The following TTC1 variants were observed in gnomAD, a reference collection of about 807,000 sequenced individuals.
TTC1 encodes tetratricopeptide repeat protein 1.
Under a neutral mutation model 37.6 loss-of-function variants are expected in TTC1, and 31 were observed. That is an observed-to-expected ratio of 0.82 (90% CI 0.62 to 1.11). The LOEUF (loss-of-function observed/expected upper bound fraction) is 1.11, where lower values mean the gene tolerates loss of function less well. Among genes scored for constraint, TTC1 ranks in the 50% most tolerant of loss-of-function variants. The pLI, the probability that TTC1 is intolerant of heterozygous loss-of-function variation, is 0.00. For synonymous variants in TTC1, 127 were observed against 122.4 expected, an observed-to-expected ratio of 1.04 and a Z score of -0.25; for missense variants, 351 against 339.0, an observed-to-expected ratio of 1.04 and a Z score of -0.28.
Position 160,060,906 on chromosome 5 carries a change from A to G in TTC1, c.746-4026A>G, listed in dbSNP as rs186552283. ...CTACCCAAGCATTGTAGAAATTTTAATGTTTGTTCAGTGAATAAATGGGCT... is the reference window on the plus strand; with the variant it reads ...CTACCCAAGCATTGTAGAAATTTTAGTGTTTGTTCAGTGAATAAATGGGCT... On this transcript the variant is annotated intron_variant, in intron 7 of 7. Transcript: ENST00000231238. 2.0e-5 allele frequency among the ~76,000 whole-genome samples: 3 copies of G among 152,318 alleles called. No individual in the cohort carries two copies. In the East Asian group the frequency reaches 5.8e-4, roughly 29 times the overall value.
At chr5:160,017,074 A>C (rs1376083551) in intron 2 of TTC1, among the ~76,000 whole-genome samples, 1 of 152,206 alleles carries the variant, frequency 6.6e-6, no homozygotes, top group African/African-American at 2.4e-5. Context: ...ATAACTACCC[A>C]CAGGAATGGA....
chr5:160,021,050 G>A (rs886174850), intron 2 of TTC1, among the ~76,000 whole-genome samples: 11 of 152,148 alleles, frequency 7.2e-5, no homozygotes, highest in African/African-American at 2.4e-4. Context: ...AAGTTAAAAT[G>A]ACGTTCAGTA....
chr5:160,046,987 G>A (rs1757268182), intron 5 of TTC1, among the ~76,000 whole-genome samples: 1 of 152,124 alleles, frequency 6.6e-6, no homozygotes, highest in Non-Finnish European at 1.5e-5. Flanking sequence ...ACTCCAGCCT[G>A]GGTGACAGAG....
At chr5:160,041,196 A>C (rs906736014) in intron 4 of TTC1, among the ~76,000 whole-genome samples, 7 of 152,116 alleles carry the variant, frequency 4.6e-5, no homozygotes, top group African/African-American at 1.7e-4. Flanking sequence ...TTGACAGTAC[A>C]CTTTTTTTTA....
At position 160,048,676 on chromosome 5, in the gene TTC1, G is replaced by GA. The variant is rs560900925; in HGVS notation, c.542-832dup. 1.6e-3 allele frequency among the ~76,000 whole-genome samples: 238 copies of GA among 152,240 alleles called. 3 individuals are homozygous for GA. The highest frequency in any genetic ancestry group is 5.5e-3 in the African/African-American group (230 of 41,558). ...ATATAATCTTAGTACTCAAGACCTA[G>GA]AAAAAAGAGAATGATAGTCTGCCAC... On this transcript the variant is annotated intron_variant, in intron 5 of 7. Coordinates refer to ENST00000231238, the MANE Select transcript of TTC1 (RefSeq NM_003314.3).
At position 160,043,173 on chromosome 5, in the gene TTC1, C is replaced by T. The variant is rs766066281; in HGVS notation, c.541+4C>T. ...GCCATCAATGACTGCAGCAAAGGTACAGCTTTATTATCTTATTACATGTTA... is the reference window on the plus strand; with the variant it reads ...GCCATCAATGACTGCAGCAAAGGTATAGCTTTATTATCTTATTACATGTTA... On this transcript the variant is annotated splice_donor_region_variant and intron_variant, in intron 5 of 7. Transcript: ENST00000231238. 64 of 1,613,262 alleles carry T rather than the reference C, an allele frequency of 4.0e-5. No homozygotes were observed. The highest frequency in any genetic ancestry group is 4.9e-5 in the Non-Finnish European group (58 of 1,179,682).
chr5:160,014,910 A>G (rs1756574910), intron 2 of TTC1, among the ~76,000 whole-genome samples: 1 of 152,230 alleles, frequency 6.6e-6, no homozygotes, highest in African/African-American at 2.4e-5. Flanking sequence ...TTTGTAGTAT[A>G]GTAAATTTAT....
intron 4 of TTC1, among the ~76,000 whole-genome samples, chr5:160,041,367 A>G (rs920355625): frequency 7.3e-5 from 11 of 150,700 alleles, no homozygotes; most frequent in Non-Finnish European, 1.0e-4. Context: ...CTGTAGTACA[A>G]TGGCGCTGTC....
rs374584071 is a variant in TTC1, at chr5:160,055,874, A to G, written c.745+4691A>G. 5.9e-5 allele frequency among the ~76,000 whole-genome samples: 9 copies of G among 152,362 alleles called. No individual in the cohort carries two copies. In the South Asian group the frequency reaches 1.9e-3, roughly 32 times the overall value. On this transcript the variant is annotated intron_variant, in intron 7 of 7. Transcript: ENST00000231238. ...GCAGCAGAGAAAAACTAGAAAGCAA[A>G]TATTTCAGAATGTGTGGTCTTCCAA...
chr5:160,036,701 A>C lies in TTC1; in HGVS notation c.402A>C (p.Glu134Asp), dbSNP rs1159184298. ...NEQFKKGDYI[E>D]AESSYSRALE... ...TTCTCTTATCCTCAGATTATATAGAAGCTGAAAGTTCTTATAGTCGAGCCC... is the reference window on the plus strand; with the variant it reads ...TTCTCTTATCCTCAGATTATATAGACGCTGAAAGTTCTTATAGTCGAGCCC... The change falls in exon 4 of 8, where the codon GAA becomes GAC. Residue 134 changes from glutamate (E) to aspartate (D), a missense_variant. Transcript: ENST00000231238. The C allele has an allele frequency of 6.2e-7, 1 of 1,611,216 alleles. No individual in the cohort carries two copies. Among genetic ancestry groups the C allele is most frequent in the African/African-American group, 1.3e-5 (1 of 74,992 alleles).
chr5:160,028,717 G>A (rs372510994), intron 2 of TTC1, among the ~76,000 whole-genome samples: 5 of 151,922 alleles, frequency 3.3e-5, no homozygotes, highest in African/African-American at 1.2e-4. Context: ...CAGCCAGTTC[G>A]CCCACCTCGA....
intron 7 of TTC1, among the ~76,000 whole-genome samples, chr5:160,061,208 A>G (rs1289134134): frequency 2.0e-5 from 3 of 152,180 alleles, no homozygotes; most frequent in Admixed American, 1.3e-4. Flanking sequence ...CACGGACAGC[A>G]CCTCTGTCTC....
intron 2 of TTC1, among the ~76,000 whole-genome samples, chr5:160,032,702 C>CTTTTTTTTTTTTT (rs70987990): frequency 1.6e-4 from 12 of 74,684 alleles, no homozygotes; most frequent in South Asian, 5.3e-4. Context: ...TACCTGCTTT[C>CTTTTTTTTTTTTT]TTTTTTTTTT....
At chr5:160,017,494 C>T (rs1756628227) in intron 2 of TTC1, among the ~76,000 whole-genome samples, 1 of 152,184 alleles carries the variant, frequency 6.6e-6, no homozygotes, top group Admixed American at 6.5e-5. Context: ...AAAGGACGCA[C>T]CTCTTAATAC....
Position 160,010,550 on chromosome 5 carries a change from T to C in TTC1, c.22T>C (p.Cys8Arg). 6.2e-7 allele frequency: 1 copy of C among 1,613,818 alleles called. No individual in the cohort carries two copies. The highest frequency in any genetic ancestry group is 8.5e-7 in the Non-Finnish European group (1 of 1,179,764). ...CAGCATGGGGGAGAAGTCAGAGAAC[T>C]GTGGGGTTCCAGAGGATCTGTTAAA... Reference protein sequence around the residue: MGEKSENCGVPEDLLNGL... With the variant: MGEKSENRGVPEDLLNGL... Residue 8 changes from cysteine to arginine, a missense_variant, in exon 2 of 8, where the codon TGT becomes CGT. Cys to Arg is a radical substitution (Grantham distance 180, BLOSUM62 -3). Transcript: ENST00000231238.
At chr5:160,059,347 T>C (rs4623188) in intron 7 of TTC1, among the ~76,000 whole-genome samples, 92,147 of 152,096 alleles carry the variant, frequency 0.61, 27,908 homozygotes, top group East Asian at 0.62. Context: ...CTTAAAGCAG[T>C]TTCCTCACTC....
At position 160,052,548 on chromosome 5, in the gene TTC1, C is replaced by CAAAAAA. The variant is rs557157232; in HGVS notation, c.745+1386_745+1391dup. Among the ~76,000 whole-genome samples the CAAAAAA allele has an allele frequency of 7.8e-4, 53 of 68,090 alleles. 9 individuals carry two copies. Among genetic ancestry groups the CAAAAAA allele is most frequent in the African/African-American group, 1.8e-3 (32 of 17,534 alleles). 44.7% of individuals were successfully genotyped at this position (68,090 alleles called of 152,430 possible). ...TACTAACAATGATGCTCTATTTTAG[C>CAAAAAA]AAAAAAAAAAAAAAAAAAAAAAAAA... On this transcript the variant is annotated intron_variant, in intron 7 of 7. Coordinates refer to ENST00000231238, the MANE Select transcript of TTC1 (RefSeq NM_003314.3).
At chr5:160,012,896 T>C (rs1419773497) in intron 2 of TTC1, among the ~76,000 whole-genome samples, 1 of 152,230 alleles carries the variant, frequency 6.6e-6, no homozygotes, top group African/African-American at 2.4e-5. Flanking sequence ...GTGTGCTTTA[T>C]CAGTCATTCC....
chr5:160,051,071 G>T, intron 6 of TTC1, 58 bp from the exon 7 acceptor site: 1 of 1,365,900 alleles, frequency 7.3e-7, no homozygotes, highest in Non-Finnish European at 9.9e-7. Context: ...AAAATAAAGG[G>T]AAAGGTTTTG....
Sources: gnomAD v4.1 joint callset for allele counts (sites outside exome capture counted in the v4.1 genomes callset) on GRCh38, gnomAD v4.1.1 for gene constraint, MANE v1.5 for transcripts, NCBI Gene and HGNC (gene_info 2026-07-23, HGNC 2026-07-21) for gene names.